Variants in FAM111B observed in about 807,000 individuals in gnomAD.
FAM111B encodes serine protease FAM111B.
FAM111B carries 1 observed loss-of-function variant against 2.8 expected under a neutral mutation model. The observed-to-expected ratio is 0.36, with a 90% CI of 0.13 to 1.70. FAM111B has a LOEUF of 1.70. Among genes scored for constraint, FAM111B ranks in the 40% most tolerant of loss-of-function variants. The pLI is 0.35. For missense variants in FAM111B, 882 were observed against 878.9 expected (o/e 1.00, Z -0.04); for synonymous variants, 297 against 295.6 (o/e 1.00, Z -0.05).
rs1458352670 is a variant in FAM111B, at chr11:59,124,740, G to T, written c.643G>T (p.Ala215Ser). ...HEKGSKLCIY[A>S]LKGETIEGAL... is the part of the protein sequence containing the mutation. ...AAAAGGAAGTAAACTTTGTATTTAT[G>T]CCTTGAAGGGTGAGACTATTGAAGG... is the stretch of plus-strand genomic sequence containing the variant. The change falls in exon 4 of 4, where the codon GCC (alanine) becomes TCC (serine). Residue 215 changes from alanine to serine, a missense_variant. Coordinates refer to ENST00000343597, the MANE Select transcript of FAM111B (RefSeq NM_198947.4). 6.2e-7 allele frequency: 1 copy of T among 1,613,656 alleles called. No homozygotes were observed. Among genetic ancestry groups the T allele is most frequent in the African/African-American group, 1.3e-5 (1 of 74,900 alleles).
chr11:59,113,243 T>C (rs571815707), intron 3 of FAM111B, among the ~76,000 whole-genome samples: 75 of 152,328 alleles, frequency 4.9e-4, no homozygotes, highest in African/African-American at 1.8e-3. Flanking sequence ...TTGTGGATGA[T>C]TAGCATCTTA....
At chr11:59,114,552 A>G (rs1255968947) in intron 3 of FAM111B, among the ~76,000 whole-genome samples, 1 of 152,034 alleles carries the variant, frequency 6.6e-6, no homozygotes, top group Non-Finnish European at 1.5e-5. Flanking sequence ...GTAGGTTTTG[A>G]CCCTAAAACC....
intron 3 of FAM111B, among the ~76,000 whole-genome samples, chr11:59,116,100 C>T (rs1054343188): frequency 1.3e-5 from 2 of 152,152 alleles, no homozygotes; most frequent in African/African-American, 2.4e-5. Flanking sequence ...CTGCTCTGCC[C>T]CAAGGCCTCG....
At chr11:59,110,272 G>T (rs1346034011) in intron 3 of FAM111B, among the ~76,000 whole-genome samples, 2 of 152,152 alleles carry the variant, frequency 1.3e-5, no homozygotes, top group Admixed American at 6.5e-5. Context: ...AGAGTACAGA[G>T]AGAAGAATGC....
chr11:59,111,408 T>C (rs1333709568), intron 3 of FAM111B, among the ~76,000 whole-genome samples: 15 of 152,204 alleles, frequency 9.9e-5, no homozygotes, highest in Admixed American at 9.8e-4. Flanking sequence ...GTTTTTGGAT[T>C]TCCTTCTGTA....
Position 59,124,888 on chromosome 11 carries a change from T to C in FAM111B, c.791T>C (p.Leu264Ser), listed in dbSNP as rs1473537994. Residue 264 changes from leucine to serine, a missense_variant, in exon 4 of 4, where the codon TTA (leucine) becomes TCA (serine). By Grantham distance (145) the Leu-to-Ser change is moderately radical. Transcript: ENST00000343597. ...GTGGATGAAGTATCTGGAAAAGTCT[T>C]AGAAATGGACATTTCAAAAAAAAAA... ...SMVDEVSGKV[L>S]EMDISKKKAL... The C allele has an allele frequency of 1.2e-6, 2 of 1,605,574 alleles. No individual in the cohort carries two copies. Among genetic ancestry groups the C allele is most frequent in the Admixed American group, 1.7e-5 (1 of 58,424 alleles).
chr11:59,114,259 A>G (rs1016282612), intron 3 of FAM111B, among the ~76,000 whole-genome samples: 2 of 152,152 alleles, frequency 1.3e-5, no homozygotes, highest in African/African-American at 4.8e-5. Flanking sequence ...GCTGAGCAGC[A>G]GAAGGTGGGG....
At chr11:59,109,843 C>G in intron 3 of FAM111B, 137 bp downstream of exon 3, 1 of 476,436 alleles carries the variant, frequency 2.1e-6, no homozygotes, top group African/African-American at 2.0e-5. Context: ...ATTTGGGGAG[C>G]TCATACACAT....
At chr11:59,115,616 ATGG>A (rs1018259423) in intron 3 of FAM111B, among the ~76,000 whole-genome samples, 3 of 152,226 alleles carry the variant, frequency 2.0e-5, no homozygotes, top group African/African-American at 7.2e-5. Context: ...TGTTTTAAAC[ATGG>A]TGACATGAAA....
At chr11:59,124,044 AT>A (rs377469298) in intron 3 of FAM111B, 134 bp from the exon 4 acceptor site, 4 of 544,348 alleles carry the variant, frequency 7.3e-6, no homozygotes, top group African/African-American at 3.9e-5. Flanking sequence ...ATAGTGATTG[AT>A]TTTTTCTCCA....
intron 3 of FAM111B, among the ~76,000 whole-genome samples, chr11:59,120,597 C>A (rs1859905735): frequency 2.0e-5 from 3 of 152,152 alleles, no homozygotes; most frequent in South Asian, 4.1e-4. Flanking sequence ...CCTGTTAGGG[C>A]TGTGAGGGAA....
At chr11:59,115,491 A>G (rs535533539) in intron 3 of FAM111B, among the ~76,000 whole-genome samples, 1 of 152,346 alleles carries the variant, frequency 6.6e-6, no homozygotes, top group Admixed American at 6.5e-5. Flanking sequence ...AAATTGACAC[A>G]AGGCCAAGTG....
At position 59,124,256 on chromosome 11, in the gene FAM111B, C is replaced by T. The variant is rs759010155; in HGVS notation, c.159C>T (p.Thr53=). The T allele has an allele frequency of 1.9e-6, 3 of 1,613,756 alleles. No individual in the cohort carries two copies. The highest frequency in any genetic ancestry group is 2.5e-6 in the Non-Finnish European group (3 of 1,179,748). The change falls in exon 4 of 4, where the codon ACC becomes ACT. Residue 53 remains threonine, a synonymous_variant. Coordinates refer to ENST00000343597, the MANE Select transcript of FAM111B (RefSeq NM_198947.4). ...CTGGCATAAGAAAGTGTAGCAGCAC[C>T]TTTAAGCTTAAAAGTGAAGTCAACA... is the stretch of plus-strand genomic sequence containing the variant. ...CLSGIRKCSS[T]FKLKSEVNKH... is the part of the protein sequence containing the mutation.
chr11:59,110,830 G>A (rs1313641806), intron 3 of FAM111B, among the ~76,000 whole-genome samples: 1 of 152,154 alleles, frequency 6.6e-6, no homozygotes, highest in African/African-American at 2.4e-5. Flanking sequence ...TGCTTTATAA[G>A]GAGAATTCAA....
rs746908326 is a variant in FAM111B at position 59,109,657 on chromosome 11, C to G, written c.32C>G (p.Ser11Ter). The G allele has an allele frequency of 1.9e-6, 3 of 1,611,722 alleles. No homozygotes were observed. Among genetic ancestry groups the G allele is most frequent in the Non-Finnish European group, 2.5e-6 (3 of 1,178,850 alleles). Residue 11 changes from serine (S) to a stop codon, truncating the protein, a stop_gained, in exon 3 of 4, where the codon TCA (serine) becomes TGA (stop). Coordinates refer to ENST00000343597, the MANE Select transcript of FAM111B (RefSeq NM_198947.4). LOFTEE classifies it low-confidence loss of function (END_TRUNC). ...TCCATGAAGACTGAAGAAAACAAGT[C>G]ATTTAGCGCTATGGAAGATGACCAG... The part of the protein sequence containing the change: MNSMKTEENK[S>*]FSAMEDDQRT...
chr11:59,112,488 T>C (rs535803339), intron 3 of FAM111B, among the ~76,000 whole-genome samples: 1 of 152,350 alleles, frequency 6.6e-6, no homozygotes, highest in East Asian at 1.9e-4. Flanking sequence ...GGTTTTTGTA[T>C]GAAGATTAGT....
chr11:59,125,168 T>G lies in FAM111B; in HGVS notation c.1071T>G (p.Tyr357Ter), dbSNP rs753234282. 2 of 1,613,814 alleles carry G rather than the reference T, an allele frequency of 1.2e-6. No homozygotes were observed. The highest frequency in any genetic ancestry group is 3.3e-5 in the Admixed American group (2 of 59,984). The change falls in exon 4 of 4, where the codon TAT becomes TAG. Residue 357 changes from tyrosine (Y) to a stop codon, truncating the protein, a stop_gained. Transcript: ENST00000343597. LOFTEE classifies it low-confidence loss of function (END_TRUNC). Reference protein sequence around the residue: ...NYYFCSLPRKYRQINSQVRRR... With the variant: ...NYYFCSLPRK ...ACTTTTGTAGTTTGCCCCGAAAATA[T>G]AGGCAAATAAACTCACAAGTTAGAC...
Position 59,124,140 on chromosome 11 carries a change from G to C in FAM111B, c.82-39G>C, listed in dbSNP as rs201851649. 69 of 1,394,272 alleles carry C rather than the reference G, an allele frequency of 4.9e-5. No homozygotes were observed. In the African/African-American group the frequency reaches 9.1e-4, roughly 18 times the overall value. The allele number at this position is 1,394,272 out of a possible 1,614,324, so 86.4% of individuals were successfully genotyped here. ...TAGAAAAATATAAAACATTATTAAA[G>C]GTGATTCTTGTTAACCTCTTTAATC... is the stretch of plus-strand genomic sequence containing the variant. On this transcript the variant is annotated intron_variant, in intron 3 of 3. Coordinates refer to ENST00000343597, the MANE Select transcript of FAM111B (RefSeq NM_198947.4).
At chr11:59,120,299 T>G (rs1419885410) in intron 3 of FAM111B, among the ~76,000 whole-genome samples, 1 of 152,190 alleles carries the variant, frequency 6.6e-6, no homozygotes, top group East Asian at 1.9e-4. Context: ...TTTCAAGATG[T>G]GACAATATCT....
Sources: allele counts gnomAD v4.1 joint callset (sites outside exome capture counted in the v4.1 genomes callset), GRCh38; gene constraint gnomAD v4.1.1; transcripts MANE v1.5; gene names NCBI Gene and HGNC (gene_info 2026-07-23, HGNC 2026-07-21).